ADAM22: variants seen among roughly 807,000 people sequenced by gnomAD.
ADAM22 encodes the protein ADAM metallopeptidase domain 22.
A neutral mutation model predicts 144.6 loss-of-function variants in ADAM22; 65 were observed. That is an observed-to-expected ratio of 0.45 (90% CI 0.37 to 0.55). ADAM22 has a LOEUF of 0.55. Among genes scored for constraint, ADAM22 ranks in the 20% least tolerant of loss-of-function variants. The probability of loss-of-function intolerance (pLI) is 0.00; values close to 1 mark genes in which losing one functional copy is unlikely to be tolerated. For synonymous variants in ADAM22, 391 were observed against 412.6 expected (o/e 0.95, Z 0.63); for missense variants, 974 against 1,184.9 (o/e 0.82, Z 2.61).
chr7:87,949,632 C>T (rs867465977), intron 2 of ADAM22, among the ~76,000 whole-genome samples: 1 of 151,926 alleles, frequency 6.6e-6, no homozygotes, highest in African/African-American at 2.4e-5. Flanking sequence ...AAGGATTTCC[C>T]TTACTATTTA....
At chr7:88,189,803 G>A (rs113154145) in intron 30 of ADAM22, among the ~76,000 whole-genome samples, 6,652 of 152,182 alleles carry the variant, frequency 0.044, 217 homozygotes, top group Middle Eastern at 0.075. Context: ...AATTAGCTGG[G>A]TATGGTGGTG....
chr7:87,957,875 G>A (rs1305311270), intron 2 of ADAM22, among the ~76,000 whole-genome samples: 1 of 152,118 alleles, frequency 6.6e-6, no homozygotes, highest in Non-Finnish European at 1.5e-5. Flanking sequence ...GAGCCACCCT[G>A]TCTGGTCTGT....
intron 22 of ADAM22, 102 bp downstream of exon 22, chr7:88,156,108 G>T: frequency 9.2e-6 from 12 of 1,304,562 alleles, no homozygotes; most frequent in Non-Finnish European, 1.3e-5. Context: ...TTAGTAGGTC[G>T]AAATATAATC....
chr7:88,161,193 GA>G lies in ADAM22; in HGVS notation c.1908-1806del, dbSNP rs34723283. ...TTCTCAAATAAATTCAACATATTTG[GA>G]AAAAAAAAAAAACAAGTAATGGGGA... On this transcript the variant is annotated intron_variant, in intron 22 of 31. Transcript: ENST00000413139. Among the ~76,000 whole-genome samples the G allele has an allele frequency of 3.1e-3, 427 of 136,900 alleles. 1 individual carries two copies. The highest frequency in any genetic ancestry group is 0.015 in the Middle Eastern group (4 of 262). The allele number at this position is 136,900 out of a possible 152,430, so 89.8% of individuals were successfully genotyped here.
At position 88,009,942 on chromosome 7, in the gene ADAM22, G is replaced by A. The variant is rs184516326; in HGVS notation, c.323+31530G>A. 3.8e-3 allele frequency among the ~76,000 whole-genome samples: 584 copies of A among 152,220 alleles called. 4 individuals carry two copies. The highest frequency in any genetic ancestry group is 5.4e-3 in the Admixed American group (82 of 15,284). ...TGTACACAATAGTGATGTGAACCAC[G>A]TAAGTGTTTCCGTAACTCTACTTTT... On this transcript the variant is annotated intron_variant, in intron 3 of 31. Coordinates refer to ENST00000413139, the MANE Select transcript of ADAM22 (RefSeq NM_001324418.2).
rs182013284 is a variant in ADAM22, at chr7:87,949,519, C to T, written c.246+14333C>T. Among the ~76,000 whole-genome samples, 323 of 152,244 alleles carry T rather than the reference C, an allele frequency of 2.1e-3. 12 individuals are homozygous for T. The highest frequency in any genetic ancestry group is 0.019 in the Admixed American group (293 of 15,280). ...ACTTTATTCACCAGACTTTGTCATTCGCTGCCTGGAGCTGCATTTTCTTTA... is the reference window on the plus strand; with the variant it reads ...ACTTTATTCACCAGACTTTGTCATTTGCTGCCTGGAGCTGCATTTTCTTTA... On this transcript the variant is annotated intron_variant, in intron 2 of 31. Transcript: ENST00000413139.
intron 3 of ADAM22, among the ~76,000 whole-genome samples, chr7:88,034,970 A>T (rs1801164302): frequency 6.6e-6 from 1 of 152,112 alleles, no homozygotes; most frequent in South Asian, 2.1e-4. Flanking sequence ...TTAGAAGTTT[A>T]AACTATTTAC....
chr7:88,061,554 A>T (rs1809859892), intron 3 of ADAM22, among the ~76,000 whole-genome samples: 2 of 152,216 alleles, frequency 1.3e-5, no homozygotes, highest in Non-Finnish European at 2.9e-5. Context: ...CTCTTAGGTG[A>T]CTAGTTGCAT....
intron 2 of ADAM22, among the ~76,000 whole-genome samples, chr7:87,944,452 T>A (rs1348536021): frequency 6.6e-6 from 1 of 152,200 alleles, no homozygotes; most frequent in African/African-American, 2.4e-5. Context: ...CTTTGGGATA[T>A]CCTGTTAGTG....
intron 18 of ADAM22, among the ~76,000 whole-genome samples, 155 bp downstream of exon 18, chr7:88,149,212 A>G (rs1837598650): frequency 6.6e-6 from 1 of 152,216 alleles, no homozygotes; most frequent in South Asian, 2.1e-4. Flanking sequence ...TCAGTGATTG[A>G]AGCTTGAGCA....
chr7:88,075,816 A>T, intron 4 of ADAM22, 124 bp downstream of exon 4: 1 of 809,954 alleles, frequency 1.2e-6, no homozygotes. Context: ...ATACTTTATA[A>T]TTTGAAGTTT....
rs191207577 is a variant in ADAM22 at position 88,178,618 on chromosome 7, T to A, written c.2301-317T>A. ...ACACACCTTCGACATATTTTTTTTT[T>A]AAAAAAAGACAAAAATGCACTTAAC... On this transcript the variant is annotated intron_variant, in intron 26 of 31. Coordinates refer to ENST00000413139, the MANE Select transcript of ADAM22 (RefSeq NM_001324418.2). Among the ~76,000 whole-genome samples the A allele has an allele frequency of 9.7e-3, 1,481 of 151,982 alleles. 6 individuals are homozygous for A. The highest frequency in any genetic ancestry group is 0.014 in the Non-Finnish European group (933 of 67,908).
At chr7:88,059,723 A>G (rs1336504713) in intron 3 of ADAM22, among the ~76,000 whole-genome samples, 1 of 152,228 alleles carries the variant, frequency 6.6e-6, no homozygotes, top group Non-Finnish European at 1.5e-5. Context: ...GAACGTGAAT[A>G]CAGCTGAAGA....
intron 3 of ADAM22, among the ~76,000 whole-genome samples, chr7:88,030,658 C>T (rs1018498171): frequency 5.3e-5 from 8 of 152,042 alleles, no homozygotes; most frequent in Non-Finnish European, 1.2e-4. Context: ...CATGAGATCT[C>T]GTTGTTTGAA....
At chr7:88,110,806 G>C in intron 5 of ADAM22, among the ~76,000 whole-genome samples, 1 of 137,082 alleles carries the variant, frequency 7.3e-6, no homozygotes, top group African/African-American at 2.8e-5. Flanking sequence ...GCAGTGGTAT[G>C]ATCTCAGCTC....
At chr7:87,938,282 G>T (rs1841744109) in intron 2 of ADAM22, among the ~76,000 whole-genome samples, 1 of 128,748 alleles carries the variant, frequency 7.8e-6, no homozygotes, top group South Asian at 2.5e-4. Context: ...GCAATGGCGT[G>T]ATCTCAGCTT....
At chr7:88,068,377 A>G (rs954111395) in intron 3 of ADAM22, among the ~76,000 whole-genome samples, 3 of 152,182 alleles carry the variant, frequency 2.0e-5, no homozygotes, top group African/African-American at 7.2e-5. Context: ...TTCATAGTTT[A>G]AAGACCTTAT....
intron 3 of ADAM22, among the ~76,000 whole-genome samples, chr7:88,014,772 C>A (rs575701477): frequency 8.5e-5 from 13 of 152,310 alleles, no homozygotes; most frequent in African/African-American, 3.1e-4. Flanking sequence ...TTGCAGAGGT[C>A]ACGTTTACCA....
intron 3 of ADAM22, among the ~76,000 whole-genome samples, chr7:87,996,500 C>A (rs1380413397): frequency 6.6e-6 from 1 of 152,158 alleles, no homozygotes; most frequent in Non-Finnish European, 1.5e-5. Flanking sequence ...AATCACCTCC[C>A]AAAGTCCCCA....
Sources: allele counts gnomAD v4.1 joint callset (sites outside exome capture counted in the v4.1 genomes callset), GRCh38; gene constraint gnomAD v4.1.1; transcripts MANE v1.5; gene names NCBI Gene and HGNC (gene_info 2026-07-23, HGNC 2026-07-21).